HDDC2: variants seen among roughly 807,000 people sequenced by gnomAD.
HDDC2 encodes the protein 5'-deoxynucleotidase HDDC2.
In HDDC2, 25 loss-of-function variants were observed where a neutral mutation model predicts 25.5. The ratio of observed to expected loss-of-function variants is 0.98; its 90% CI spans 0.72 to 1.37. The LOEUF (loss-of-function observed/expected upper bound fraction) is 1.37. HDDC2 is among the 40% of genes most tolerant of loss of function. HDDC2 has a pLI of 0.00. For synonymous variants in HDDC2, 106 were observed against 89.7 expected (o/e 1.18, Z -1.03); for missense variants, 264 against 253.1 (o/e 1.04, Z -0.29).
At chr6:125,290,401 T>G (rs747092194) in intron 4 of HDDC2, among the ~76,000 whole-genome samples, 4 of 152,206 alleles carry the variant, frequency 2.6e-5, no homozygotes, top group Non-Finnish European at 5.9e-5. Flanking sequence ...AGTCTGAAAC[T>G]TATGTACCAA....
In HDDC2 at chr6:125,301,903, C is replaced by A; in HGVS notation, c.30G>T (p.Ser10=). Residue 10 remains serine (S), a synonymous_variant, in exon 1 of 6, where the codon TCG becomes TCT. Coordinates refer to ENST00000398153, the MANE Select transcript of HDDC2 (RefSeq NM_016063.3). ...GCAGTAGGGACCGAGCCCCGTGGCCCGAGAAGGTCGCAGAGGAGACCGAAG... is the reference window on the plus strand; with the variant it reads ...GCAGTAGGGACCGAGCCCCGTGGCCAGAGAAGGTCGCAGAGGAGACCGAAG... MASVSSATF[S]GHGARSLLQF... is the part of the protein sequence containing the mutation. The A allele has an allele frequency of 6.4e-7, 1 of 1,552,066 alleles. No individual in the cohort carries two copies. The highest frequency in any genetic ancestry group is 2.4e-5 in the East Asian group (1 of 41,558).
intron 4 of HDDC2, among the ~76,000 whole-genome samples, chr6:125,290,540 T>G (rs1050306123): frequency 6.6e-6 from 1 of 152,194 alleles, no homozygotes; most frequent in South Asian, 2.1e-4. Context: ...TATTTGGAAA[T>G]AGGGTCTCGA....
intron 1 of HDDC2, 30 bp from the exon 2 acceptor site, chr6:125,300,689 T>C (rs1395958943): frequency 3.1e-6 from 5 of 1,605,770 alleles, no homozygotes; most frequent in Non-Finnish European, 4.3e-6. Context: ...AAAAGAAGTT[T>C]TAAAGAACAA....
At chr6:125,288,044 G>C (rs1424056378) in intron 4 of HDDC2, among the ~76,000 whole-genome samples, 2 of 152,222 alleles carry the variant, frequency 1.3e-5, no homozygotes, top group Non-Finnish European at 2.9e-5. Context: ...CTCCTCACCT[G>C]TTTAGTGCTG....
intron 5 of HDDC2, 175 bp from the exon 6 acceptor site, chr6:125,276,418 G>A (rs1422558603): frequency 1.0e-5 from 6 of 590,352 alleles, no homozygotes; most frequent in Non-Finnish European, 1.8e-5. Flanking sequence ...GGGACCACTT[G>A]GCATTTACGC....
In HDDC2 at chr6:125,298,776, T is replaced by C. The variant is rs761732230; in HGVS notation, c.247A>G (p.Ile83Val). 3.7e-6 allele frequency: 6 copies of C among 1,614,158 alleles called. No individual in the cohort carries two copies. The highest frequency in any genetic ancestry group is 5.1e-6 in the Non-Finnish European group (6 of 1,180,022). Residue 83 changes from isoleucine (I) to valine (V), a missense_variant, in exon 3 of 6, where the codon ATC becomes GTC. Ile to Val is a conservative substitution (Grantham distance 29). Transcript: ENST00000398153. ...TCTGCTGGTGCTATGTCCCCAACGA[T>C]GCATTCTGCCATATCATGAACCAGG... ...LALVHDMAEC[I>V]VGDIAPADNI...
intron 4 of HDDC2, among the ~76,000 whole-genome samples, chr6:125,291,574 A>G (rs1341347534): frequency 6.6e-6 from 1 of 152,162 alleles, no homozygotes; most frequent in East Asian, 1.9e-4. Context: ...TTGCTGCCTA[A>G]TGAGTTCAGG....
At chr6:125,295,817 A>G (rs73772431) in intron 3 of HDDC2, among the ~76,000 whole-genome samples, 2,912 of 152,252 alleles carry the variant, frequency 0.019, 85 homozygotes, top group African/African-American at 0.067. Flanking sequence ...TGCCACCATT[A>G]TATTCCAGCT....
chr6:125,287,046 A>G (rs1384808805), intron 4 of HDDC2, among the ~76,000 whole-genome samples: 1 of 152,192 alleles, frequency 6.6e-6, no homozygotes, highest in Non-Finnish European at 1.5e-5. Flanking sequence ...GCCAATCTGT[A>G]TAAAATAAGA....
intron 2 of HDDC2, among the ~76,000 whole-genome samples, chr6:125,299,286 G>A (rs1367401736): frequency 6.6e-6 from 1 of 152,150 alleles, no homozygotes; most frequent in Non-Finnish European, 1.5e-5. Context: ...AGGAGGCTCA[G>A]GCAGGAGAAT....
intron 4 of HDDC2, among the ~76,000 whole-genome samples, chr6:125,280,859 A>G (rs1197481319): frequency 6.6e-6 from 1 of 152,234 alleles, no homozygotes; most frequent in East Asian, 1.9e-4. Context: ...ACAGTGCTCA[A>G]GCTCTGCTAA....
intron 4 of HDDC2, among the ~76,000 whole-genome samples, chr6:125,279,631 G>C (rs1359451318): frequency 6.6e-6 from 1 of 152,106 alleles, no homozygotes; most frequent in African/African-American, 2.4e-5. Context: ...CATGTTGTGA[G>C]CCATAAACAA....
chr6:125,300,045 G>T (rs1798771542), intron 2 of HDDC2, among the ~76,000 whole-genome samples: 1 of 152,130 alleles, frequency 6.6e-6, no homozygotes, highest in Admixed American at 6.5e-5. Flanking sequence ...TAATTCACTT[G>T]GGATTTATTT....
At position 125,301,907 on chromosome 6, in the gene HDDC2, A is replaced by G; in HGVS notation, c.26T>C (p.Phe9Ser). MASVSSAT[F>S]SGHGARSLLQ... ...TAGGGACCGAGCCCCGTGGCCCGAG[A>G]AGGTCGCAGAGGAGACCGAAGCCAT... The change falls in exon 1 of 6, where the codon TTC (phenylalanine) becomes TCC (serine). Residue 9 changes from phenylalanine to serine, a missense_variant. Coordinates refer to ENST00000398153, the MANE Select transcript of HDDC2 (RefSeq NM_016063.3). 1 of 1,551,834 alleles carries G rather than the reference A, an allele frequency of 6.4e-7. No homozygotes were observed. Among genetic ancestry groups the G allele is most frequent in the Non-Finnish European group, 8.7e-7 (1 of 1,149,498 alleles).
chr6:125,280,617 G>A (rs796294868), intron 4 of HDDC2, among the ~76,000 whole-genome samples: 1 of 152,220 alleles, frequency 6.6e-6, no homozygotes, highest in Admixed American at 6.5e-5. Flanking sequence ...CCAACTGGGC[G>A]GAGCCCACCA....
intron 4 of HDDC2, among the ~76,000 whole-genome samples, chr6:125,282,484 C>T (rs1798473505): frequency 6.6e-6 from 1 of 152,144 alleles, no homozygotes; most frequent in Non-Finnish European, 1.5e-5. Flanking sequence ...CTGTCACCAC[C>T]AGGCCTGCCT....
At chr6:125,281,232 A>C (rs1312232216) in intron 4 of HDDC2, among the ~76,000 whole-genome samples, 1 of 152,238 alleles carries the variant, frequency 6.6e-6, no homozygotes, top group East Asian at 1.9e-4. Flanking sequence ...AAGGTAGATA[A>C]ATCCACAAAG....
At chr6:125,288,379 T>A (rs929040278) in intron 4 of HDDC2, among the ~76,000 whole-genome samples, 1 of 152,058 alleles carries the variant, frequency 6.6e-6, no homozygotes, top group Admixed American at 6.5e-5. Context: ...GTGACCCCAG[T>A]CCCCACGGCA....
At chr6:125,290,493 G>A (rs10214705) in intron 4 of HDDC2, among the ~76,000 whole-genome samples, 32,884 of 152,068 alleles carry the variant, frequency 0.22, 4,319 homozygotes, top group African/African-American at 0.37. Flanking sequence ...ATTTATGTCC[G>A]CCTACAACCT....
Sources: gnomAD v4.1 joint callset for allele counts (sites outside exome capture counted in the v4.1 genomes callset) on GRCh38, gnomAD v4.1.1 for gene constraint, MANE v1.5 for transcripts, NCBI Gene and HGNC (gene_info 2026-07-23, HGNC 2026-07-21) for gene names.